The following FAM178B variants were observed in gnomAD, a reference collection of about 807,000 sequenced individuals.
FAM178B encodes protein FAM178B.
In FAM178B, 82 loss-of-function variants were observed where a neutral mutation model predicts 91.7. The ratio of observed to expected loss-of-function variants is 0.89; its 90% CI spans 0.75 to 1.07. FAM178B has a LOEUF of 1.07. FAM178B is among the 50% of genes least tolerant of loss of function. The pLI is 0.00. For synonymous variants in FAM178B, 368 were observed against 359.4 expected (o/e 1.02, Z -0.27); for missense variants, 769 against 846.7 (o/e 0.91, Z 1.14).
intron 13 of FAM178B, among the ~76,000 whole-genome samples, chr2:96,897,064 A>G (rs1281241405): frequency 6.6e-6 from 1 of 152,158 alleles, no homozygotes; most frequent in Admixed American, 6.5e-5. Context: ...ACAGGGTTTC[A>G]CCATGTTGGC....
chr2:96,982,187 T>G (rs1356088334), intron 1 of FAM178B, among the ~76,000 whole-genome samples: 1 of 152,186 alleles, frequency 6.6e-6, no homozygotes, highest in Non-Finnish European at 1.5e-5. Context: ...CAAGAAACAT[T>G]CTTCACTTTT....
chr2:96,974,170 C>T (rs998516878), intron 1 of FAM178B, among the ~76,000 whole-genome samples: 3 of 151,476 alleles, frequency 2.0e-5, no homozygotes, highest in African/African-American at 7.3e-5. Flanking sequence ...ATCATGAGGT[C>T]AGGAGATCGA....
chr2:96,970,337 G>A (rs998304399), intron 4 of FAM178B, among the ~76,000 whole-genome samples: 2 of 152,170 alleles, frequency 1.3e-5, no homozygotes, highest in Admixed American at 6.5e-5. Context: ...AGGAAGTCCC[G>A]TCTGCCCAGC....
At position 96,931,860 on chromosome 2, in the gene FAM178B, T is replaced by G. The variant is rs373705015; in HGVS notation, c.1079-2540A>C. ...GAAAAACTTTCTTGTTTGTTTGTTT[T>G]TTTTTTTTTTCCTCTCTTGGGCAAC... is the stretch of plus-strand genomic sequence containing the variant. On this transcript the variant is annotated intron_variant, in intron 8 of 16. Coordinates refer to ENST00000490605, the MANE Select transcript of FAM178B (RefSeq NM_001122646.3). Among the ~76,000 whole-genome samples, 320 of 151,978 alleles carry G rather than the reference T, an allele frequency of 2.1e-3. 1 individual carries two copies. Among genetic ancestry groups the G allele is most frequent in the Non-Finnish European group, 2.7e-3 (186 of 67,894 alleles).
intron 13 of FAM178B, among the ~76,000 whole-genome samples, chr2:96,895,480 C>T (rs902866543): frequency 6.6e-5 from 10 of 152,234 alleles, no homozygotes; most frequent in Non-Finnish European, 1.5e-4. Flanking sequence ...ATGTGACCTG[C>T]GTAAGTCCAG....
intron 7 of FAM178B, among the ~76,000 whole-genome samples, chr2:96,948,387 C>T (rs1256236277): frequency 2.0e-5 from 3 of 152,228 alleles, no homozygotes; most frequent in African/African-American, 2.4e-5. Flanking sequence ...TCTGAGACCA[C>T]CAGCTTAGAC....
intron 6 of FAM178B, 84 bp downstream of exon 6, chr2:96,960,203 TG>T: frequency 6.9e-7 from 1 of 1,455,118 alleles, no homozygotes; most frequent in Non-Finnish European, 9.2e-7. Context: ...CTTCCCCCTT[TG>T]GGGTGGCCCT....
chr2:96,958,697 TAAAAAAAAAAAAAAAAAAAAAAAAAAA>T lies in FAM178B; in HGVS notation c.887+1564_887+1590del, dbSNP rs55924441. Among the ~76,000 whole-genome samples the T allele has an allele frequency of 1.0e-3, 56 of 55,538 alleles. No individual in the cohort carries two copies. The Admixed American group carries it at 0.014, about 13-fold the overall frequency. The allele number at this position is 55,538 out of a possible 152,430, so 36.4% of individuals were successfully genotyped here. On this transcript the variant is annotated intron_variant, in intron 6 of 16. Coordinates refer to ENST00000490605, the MANE Select transcript of FAM178B (RefSeq NM_001122646.3). Reference sequence around the variant, plus strand: ...AGAGTGAGACTCCATCTCAAAATACTAAAAAAAAAAAAAAAAAAAAAAAAAAAAAAAAAAAAAAAAAAATTGAAATCT... The same window carrying T: ...AGAGTGAGACTCCATCTCAAAATACTAAAAAAAAAAAAAAAATTGAAATCT...
intron 4 of FAM178B, among the ~76,000 whole-genome samples, chr2:96,968,691 G>A (rs536321232): frequency 4.7e-3 from 235 of 49,978 alleles, no homozygotes; most frequent in African/African-American, 0.016. Context: ...TCCTGGCTGT[G>A]AGCCCGTCCC....
At chr2:96,905,622 A>G (rs542023866) in intron 12 of FAM178B, among the ~76,000 whole-genome samples, 75 of 149,734 alleles carry the variant, frequency 5.0e-4, no homozygotes, top group Non-Finnish European at 9.2e-4. Flanking sequence ...GGATTGCTAG[A>G]TTTAGCAGAT....
rs368745154 is a variant in FAM178B at position 96,909,142 on chromosome 2, CAAAAAAAAA to C, written c.1563-6444_1563-6436del. ...TGGGCGACAGATCAAGACTCTGTCTCAAAAAAAAAAAAAAAAAAGAAAAAAGAAAAAAGA... is the reference window on the plus strand; with the variant it reads ...TGGGCGACAGATCAAGACTCTGTCTCAAAAAAAAAGAAAAAAGAAAAAAGA... On this transcript the variant is annotated intron_variant, in intron 12 of 16. Coordinates refer to ENST00000490605, the MANE Select transcript of FAM178B (RefSeq NM_001122646.3). Among the ~76,000 whole-genome samples, 4 of 77,434 alleles carry C rather than the reference CAAAAAAAAA, an allele frequency of 5.2e-5. No homozygotes were observed. In the South Asian group the frequency reaches 2.0e-3, roughly 39 times the overall value. The allele number at this position is 77,434 out of a possible 152,430, so 50.8% of individuals were successfully genotyped here.
intron 6 of FAM178B, among the ~76,000 whole-genome samples, chr2:96,957,002 G>C (rs1025385687): frequency 1.3e-5 from 2 of 150,758 alleles, no homozygotes; most frequent in African/African-American, 4.9e-5. Context: ...GGGACCACAG[G>C]TGTGCTATCA....
Position 96,921,268 on chromosome 2 carries a change from G to A in FAM178B, c.1465-6C>T. 1 of 1,551,338 alleles carries A rather than the reference G, an allele frequency of 6.4e-7. No individual in the cohort carries two copies. Among genetic ancestry groups the A allele is most frequent in the Admixed American group, 2.0e-5 (1 of 51,002 alleles). On this transcript the variant is annotated splice_polypyrimidine_tract_variant and splice_region_variant and intron_variant, in intron 11 of 16. Coordinates refer to ENST00000490605, the MANE Select transcript of FAM178B (RefSeq NM_001122646.3). ...GTGCAGCACAGTTCCTGGAGCTGCAGGAGAACGGCACCCCATGGGCTACAG... is the reference window on the plus strand; with the variant it reads ...GTGCAGCACAGTTCCTGGAGCTGCAAGAGAACGGCACCCCATGGGCTACAG...
At chr2:96,906,920 G>A (rs1204166717) in intron 12 of FAM178B, among the ~76,000 whole-genome samples, 2 of 152,226 alleles carry the variant, frequency 1.3e-5, no homozygotes, top group Non-Finnish European at 2.9e-5. Context: ...AGGCCTGCGC[G>A]GGAGCTCGTT....
chr2:96,965,500 T>C (rs2082132315), intron 5 of FAM178B, among the ~76,000 whole-genome samples: 1 of 151,730 alleles, frequency 6.6e-6, no homozygotes, highest in African/African-American at 2.4e-5. Context: ...TCTTGCTGTG[T>C]CACCCAGGCT....
In FAM178B at chr2:96,878,040, G is replaced by A. The variant is rs143893180; in HGVS notation, c.1857C>T (p.Gly619=). 37 of 1,608,544 alleles carry A rather than the reference G, an allele frequency of 2.3e-5. No homozygotes were observed. The African/African-American group carries it at 3.2e-4, about 14-fold the overall frequency. ...ACTGCATGCACAGCAGCTGCAGCTC[G>A]CCCTGTGGAGGCGGAGGGAGGCCAA... is the stretch of plus-strand genomic sequence containing the variant. The part of the protein sequence containing the change: ...SCQDITPDQW[G]ELQLLCMQLD... Residue 619 remains glycine, a splice_region_variant and synonymous_variant, in exon 16 of 17, where the codon GGC becomes GGT. Transcript: ENST00000490605.
At chr2:96,958,686 T>C (rs1464570153) in intron 6 of FAM178B, among the ~76,000 whole-genome samples, 1 of 89,526 alleles carries the variant, frequency 1.1e-5, no homozygotes, top group Non-Finnish European at 1.9e-5. Flanking sequence ...TGAGACTCCA[T>C]CTCAAAATAC....
chr2:96,886,557 G>A (rs1295288499), intron 14 of FAM178B, among the ~76,000 whole-genome samples: 1 of 152,208 alleles, frequency 6.6e-6, no homozygotes, highest in Non-Finnish European at 1.5e-5. Context: ...TGACACTGAG[G>A]TTTTTTGACA....
intron 12 of FAM178B, among the ~76,000 whole-genome samples, chr2:96,917,591 C>T (rs888451449): frequency 6.6e-6 from 1 of 152,224 alleles, no homozygotes; most frequent in Non-Finnish European, 1.5e-5. Flanking sequence ...CATGGTGGCT[C>T]ACACCCGTGA....
Sources: gnomAD v4.1 joint callset for allele counts (sites outside exome capture counted in the v4.1 genomes callset) on GRCh38, gnomAD v4.1.1 for gene constraint, MANE v1.5 for transcripts, NCBI Gene and HGNC (gene_info 2026-07-23, HGNC 2026-07-21) for gene names.